The following RAB38 variants were observed in gnomAD, a reference collection of about 807,000 sequenced individuals.
The protein encoded by RAB38 is RAB38, member RAS oncogene family.
In RAB38, 15 loss-of-function variants were observed where a neutral mutation model predicts 18.4. The observed-to-expected ratio is 0.82, with a 90% CI of 0.55 to 1.26. RAB38 has a LOEUF of 1.26. RAB38 is among the 50% of genes most tolerant of loss of function. RAB38 has a pLI of 0.00. For missense variants in RAB38, 294 were observed against 267.4 expected (o/e 1.10, Z -0.69); for synonymous variants, 101 against 104.4 (o/e 0.97, Z 0.20).
chr11:87,821,490 T>C, the RAB38 span, among the ~76,000 whole-genome samples: 393 of 152,278 alleles, frequency 2.6e-3, no homozygotes, highest in Admixed American at 5.7e-3. Context: ...TCTTCTCAAA[T>C]GTAACTGCAA....
chr11:87,929,486 G>T, the RAB38 span, among the ~76,000 whole-genome samples: 1 of 151,044 alleles, frequency 6.6e-6, no homozygotes, highest in African/African-American at 2.4e-5. Flanking sequence ...TTTTAGGGTT[G>T]TATTTCAAAT....
chr11:88,099,104 TTC>T, the RAB38 span, among the ~76,000 whole-genome samples: 18 of 151,990 alleles, frequency 1.2e-4, no homozygotes, highest in South Asian at 6.2e-4. Flanking sequence ...CTTTAATCAT[TTC>T]TGTTTGTTTT....
chr11:87,886,922 A>G, the RAB38 span, among the ~76,000 whole-genome samples: 1 of 150,914 alleles, frequency 6.6e-6, no homozygotes. Flanking sequence ...GAAAGGTTAT[A>G]TCTGTCACTC....
the RAB38 span, among the ~76,000 whole-genome samples, chr11:87,974,454 G>GAAA: frequency 6.6e-6 from 1 of 151,586 alleles, no homozygotes; most frequent in African/African-American, 2.4e-5. Context: ...GGCAAAATAA[G>GAAA]ACTTTTTAGA....
At chr11:87,937,547 G>C in the RAB38 span, among the ~76,000 whole-genome samples, 1 of 151,388 alleles carries the variant, frequency 6.6e-6, no homozygotes. Context: ...ATTATCTAGT[G>C]CAACCATCTG....
chr11:87,878,186 T>G, the RAB38 span, among the ~76,000 whole-genome samples: 544 of 134,836 alleles, frequency 4.0e-3, 4 homozygotes, highest in South Asian at 0.023. Flanking sequence ...TTATCTTGGA[T>G]GCCTAATATG....
chr11:87,957,229 G>T, the RAB38 span, among the ~76,000 whole-genome samples: 1 of 152,050 alleles, frequency 6.6e-6, no homozygotes, highest in Non-Finnish European at 1.5e-5. Context: ...TCTGAATCAA[G>T]CTTCTTTGCC....
chr11:88,063,150 T>G, the RAB38 span, among the ~76,000 whole-genome samples: 4 of 152,044 alleles, frequency 2.6e-5, no homozygotes, highest in Admixed American at 2.6e-4. Context: ...AACAAAACAA[T>G]AAAACAGAAT....
At chr11:88,102,894 A>T in the RAB38 span, among the ~76,000 whole-genome samples, 1 of 151,790 alleles carries the variant, frequency 6.6e-6, no homozygotes, top group Non-Finnish European at 1.5e-5. Flanking sequence ...TTACATTGTT[A>T]CTCCCGTCTC....
chr11:87,966,485 ATAAATATATATTTC>A, the RAB38 span, among the ~76,000 whole-genome samples: 1 of 152,198 alleles, frequency 6.6e-6, no homozygotes, highest in Non-Finnish European at 1.5e-5. Flanking sequence ...GACAGGGGAT[ATAAATATATATTTC>A]TAAATTTCCA....
the RAB38 span, among the ~76,000 whole-genome samples, chr11:88,018,010 C>T: frequency 1.1e-4 from 17 of 152,092 alleles, no homozygotes; most frequent in African/African-American, 3.1e-4. Flanking sequence ...TGTCTGCCGC[C>T]GTATGAGACA....
intron 2 of RAB38, among the ~76,000 whole-genome samples, chr11:88,119,045 C>T (rs920004251): frequency 2.1e-4 from 32 of 152,170 alleles, no homozygotes; most frequent in Non-Finnish European, 4.6e-4. Flanking sequence ...ACTCCCCATA[C>T]ATTACATTAC....
chr11:88,072,171 A>G, the RAB38 span, among the ~76,000 whole-genome samples: 1 of 152,234 alleles, frequency 6.6e-6, no homozygotes, highest in African/African-American at 2.4e-5. Context: ...ATAATATGTT[A>G]AAAAATCTAT....
chr11:87,875,100 T>C, the RAB38 span, among the ~76,000 whole-genome samples: 2 of 151,694 alleles, frequency 1.3e-5, no homozygotes, highest in South Asian at 4.2e-4. Flanking sequence ...TTTTAGATCT[T>C]GTGCACTGTA....
At chr11:87,954,090 ATGTGCACACAAGCTGAGATAC>A in the RAB38 span, among the ~76,000 whole-genome samples, 1 of 151,928 alleles carries the variant, frequency 6.6e-6, no homozygotes, top group Non-Finnish European at 1.5e-5. Context: ...GTTCATGTAA[ATGTGCACACAAGCTGAGATAC>A]ATAAGAACAT....
At chr11:88,064,282 CT>C in the RAB38 span, among the ~76,000 whole-genome samples, 2 of 152,220 alleles carry the variant, frequency 1.3e-5, no homozygotes, top group African/African-American at 4.8e-5. Flanking sequence ...ACAAGTTCCA[CT>C]TCCTCTTACT....
At chr11:87,898,957 A>T in the RAB38 span, among the ~76,000 whole-genome samples, 1 of 151,664 alleles carries the variant, frequency 6.6e-6, no homozygotes, top group Non-Finnish European at 1.5e-5. Flanking sequence ...GTCTTCTGAC[A>T]GCCTGTTTCT....
chr11:88,153,560 G>A (rs1333445889), intron 1 of RAB38, among the ~76,000 whole-genome samples: 1 of 152,012 alleles, frequency 6.6e-6, no homozygotes, highest in Non-Finnish European at 1.5e-5. Flanking sequence ...CCCTAAATGG[G>A]GATCTCAGTA....
At chr11:87,885,539 A>G in the RAB38 span, among the ~76,000 whole-genome samples, 4 of 152,040 alleles carry the variant, frequency 2.6e-5, no homozygotes, top group African/African-American at 7.2e-5. Flanking sequence ...AACACATGCA[A>G]TGCCTGACAC....
Sources: allele counts gnomAD v4.1 joint callset (sites outside exome capture counted in the v4.1 genomes callset), GRCh38; gene constraint gnomAD v4.1.1; transcripts MANE v1.5; gene names NCBI Gene and HGNC (gene_info 2026-07-23, HGNC 2026-07-21).